The following STARD6 variants were observed in gnomAD, a reference collection of about 807,000 sequenced individuals.
STARD6 encodes the protein StAR related lipid transfer domain containing 6.
A neutral mutation model predicts 22.3 loss-of-function variants in STARD6; 21 were observed. That is an observed-to-expected ratio of 0.94 (90% confidence interval 0.67 to 1.35). The LOEUF (loss-of-function observed/expected upper bound fraction) is 1.35, where lower values mean the gene tolerates loss of function less well. Among genes scored for constraint, STARD6 ranks in the 40% most tolerant of loss-of-function variants. The pLI, the probability that STARD6 is intolerant of heterozygous loss-of-function variation, is 0.00. For missense variants in STARD6, 269 were observed against 266.9 expected, an observed-to-expected ratio of 1.01 and a Z score of -0.05; for synonymous variants, 80 against 88.1, an observed-to-expected ratio of 0.91 and a Z score of 0.52.
At chr18:54,349,806 C>T (rs1164664585) in intron 4 of STARD6, among the ~76,000 whole-genome samples, 1 of 152,154 alleles carries the variant, frequency 6.6e-6, no homozygotes, top group Non-Finnish European at 1.5e-5. Flanking sequence ...TCTCCAACTC[C>T]ATTCAGGTTG....
chr18:54,342,671 C>T (rs868621270), intron 4 of STARD6, among the ~76,000 whole-genome samples: 5,801 of 105,140 alleles, frequency 0.055, 740 homozygotes, highest in African/African-American at 0.29. Context: ...CTGTGTTGGC[C>T]GGACCGGTCT....
chr18:54,354,920 A>G (rs2089130941), intron 2 of STARD6, among the ~76,000 whole-genome samples: 1 of 152,250 alleles, frequency 6.6e-6, no homozygotes, highest in African/African-American at 2.4e-5. Context: ...TGAGGATTAG[A>G]TGAGATGATA....
intron 4 of STARD6, among the ~76,000 whole-genome samples, chr18:54,352,693 A>T (rs901832422): frequency 6.6e-6 from 1 of 152,326 alleles, no homozygotes; most frequent in East Asian, 1.9e-4. Flanking sequence ...AAAAGTACCA[A>T]TTGTTTAGTT....
chr18:54,330,433 T>C (rs914934567), intron 6 of STARD6, among the ~76,000 whole-genome samples: 3 of 152,104 alleles, frequency 2.0e-5, no homozygotes, highest in African/African-American at 7.2e-5. Flanking sequence ...GTGTGGTAGT[T>C]AGCACTTATT....
Position 54,335,213 on chromosome 18 carries a change from A to C in STARD6, c.267+1912T>G, listed in dbSNP as rs574841778. Among the ~76,000 whole-genome samples the C allele has an allele frequency of 1.5e-3, 216 of 144,720 alleles. 1 individual carries two copies. Among genetic ancestry groups the C allele is most frequent in the Non-Finnish European group, 2.3e-3 (154 of 66,012 alleles). 94.9% of individuals were successfully genotyped at this position (144,720 alleles called of 152,430 possible). ...TTATTTATTTATTTATTTATTTTTG[A>C]GATGGAGTTTCACTCTTGTTGCCCA... On this transcript the variant is annotated intron_variant, in intron 5 of 7. Transcript: ENST00000307844.
chr18:54,350,035 T>C (rs2092536988), intron 4 of STARD6, among the ~76,000 whole-genome samples: 1 of 152,216 alleles, frequency 6.6e-6, no homozygotes, highest in Non-Finnish European at 1.5e-5. Context: ...GCAGTTCTAC[T>C]CTTAGTTCTT....
chr18:54,342,443 C>T (rs948700715), intron 4 of STARD6, among the ~76,000 whole-genome samples: 1 of 129,798 alleles, frequency 7.7e-6, no homozygotes, highest in South Asian at 2.4e-4. Flanking sequence ...CCCTCTCCCT[C>T]TCCCTCTCCC....
rs1248942390 is a variant in STARD6, at chr18:54,357,858, C to G, written c.-155G>C. ...TCTTCTCCGGCCGCTCCCTCATCTCCGCTCGCGCCCGGCGCCCCACTGCCG... is the reference window on the plus strand; with the variant it reads ...TCTTCTCCGGCCGCTCCCTCATCTCGGCTCGCGCCCGGCGCCCCACTGCCG... On this transcript the variant is annotated 5_prime_UTR_variant, in exon 1 of 8. Transcript: ENST00000307844. 6.6e-6 allele frequency: 1 copy of G among 152,362 alleles called. No homozygotes were observed. The highest frequency in any genetic ancestry group is 1.5e-5 in the Non-Finnish European group (1 of 68,168). The allele number at this position is 152,362 out of a possible 1,614,324, so 9.4% of individuals were successfully genotyped here.
At chr18:54,338,765 T>A (rs1261904159) in intron 4 of STARD6, among the ~76,000 whole-genome samples, 1 of 150,194 alleles carries the variant, frequency 6.7e-6, no homozygotes, top group Non-Finnish European at 1.5e-5. Flanking sequence ...ATGTAAAAAA[T>A]TTGGACGGGC....
In STARD6 at chr18:54,355,302, T is replaced by G. The variant is rs145045966; in HGVS notation, c.-4-725A>C. On this transcript the variant is annotated intron_variant, in intron 2 of 7. Transcript: ENST00000307844. ...TGTTTCATAGGTATCTTTGCTTAAA[T>G]GTCACCTCCTCAGATAGGATCAAGT... Among the ~76,000 whole-genome samples the G allele has an allele frequency of 2.4e-3, 363 of 152,296 alleles. 2 individuals are homozygous for G. The highest frequency in any genetic ancestry group is 8.2e-3 in the African/African-American group (339 of 41,562).
At chr18:54,326,251 A>C (rs550084848) in intron 7 of STARD6, among the ~76,000 whole-genome samples, 1 of 152,134 alleles carries the variant, frequency 6.6e-6, no homozygotes, top group Non-Finnish European at 1.5e-5. Flanking sequence ...GTTGAGAAAA[A>C]ATTCTTTTCC....
At chr18:54,331,687 CATTT>C (rs2088865898) in intron 6 of STARD6, 51 bp downstream of exon 6, 10 of 1,188,676 alleles carry the variant, frequency 8.4e-6, no homozygotes, top group African/African-American at 1.5e-5. Context: ...AAAGGGAAAA[CATTT>C]ATTAATGGCT....
At chr18:54,329,484 G>T in intron 6 of STARD6, 44 bp from the exon 7 acceptor site, 1 of 1,434,800 alleles carries the variant, frequency 7.0e-7, no homozygotes. Context: ...TTCACAAAGA[G>T]GAAAAACTAT....
intron 4 of STARD6, among the ~76,000 whole-genome samples, chr18:54,353,153 A>G (rs1226064063): frequency 6.6e-6 from 1 of 152,236 alleles, no homozygotes; most frequent in East Asian, 1.9e-4. Context: ...CAAGAAACAT[A>G]AAATGAGGTA....
intron 4 of STARD6, among the ~76,000 whole-genome samples, chr18:54,345,144 A>G (rs1329559837): frequency 1.3e-5 from 2 of 152,196 alleles, no homozygotes; most frequent in African/African-American, 2.4e-5. Flanking sequence ...AAAAAACAAC[A>G]GAATCCACTA....
At chr18:54,354,711 G>A in intron 2 of STARD6, 134 bp from the exon 3 acceptor site, 1 of 625,820 alleles carries the variant, frequency 1.6e-6, no homozygotes, top group Admixed American at 3.0e-5. Flanking sequence ...ATGAATGCAT[G>A]TATGCATGAA....
In STARD6 at chr18:54,329,519, A is replaced by G. The variant is rs983284053; in HGVS notation, c.386-79T>C. 8 of 1,181,060 alleles carry G rather than the reference A, an allele frequency of 6.8e-6. No homozygotes were observed. In the African/African-American group the frequency reaches 1.2e-4, roughly 18 times the overall value. The allele number at this position is 1,181,060 out of a possible 1,614,324, so 73.2% of individuals were successfully genotyped here. ...TTTCCAGCAGCATATTTTTAGAAACATATAGCATTTAAGTTAGTTAATAGC... is the reference window on the plus strand; with the variant it reads ...TTTCCAGCAGCATATTTTTAGAAACGTATAGCATTTAAGTTAGTTAATAGC... On this transcript the variant is annotated intron_variant, in intron 6 of 7. Coordinates refer to ENST00000307844, the MANE Select transcript of STARD6 (RefSeq NM_139171.2).
intron 7 of STARD6, among the ~76,000 whole-genome samples, chr18:54,328,233 T>C (rs2088839672): frequency 2.0e-5 from 3 of 152,212 alleles, no homozygotes; most frequent in African/African-American, 7.2e-5. Context: ...AATCTTTATT[T>C]GTGTTTACAA....
At chr18:54,357,088 T>C (rs1421023615) in intron 1 of STARD6, 2 of 152,256 alleles carry the variant, frequency 1.3e-5, no homozygotes, top group African/African-American at 4.8e-5. Context: ...CTGGAACATA[T>C]TCAGATGGAC....
Sources: allele counts gnomAD v4.1 joint callset (sites outside exome capture counted in the v4.1 genomes callset), GRCh38; gene constraint gnomAD v4.1.1; transcripts MANE v1.5; gene names NCBI Gene and HGNC (gene_info 2026-07-23, HGNC 2026-07-21).